The following KLHL29 variants were observed in gnomAD, a reference collection of about 807,000 sequenced individuals.
The protein encoded by KLHL29 is kelch like family member 29, also known as kelch-like protein 29.
In KLHL29, 21 loss-of-function variants were observed where a neutral mutation model predicts 80.4. The ratio of observed to expected loss-of-function variants is 0.26; its 90% CI spans 0.19 to 0.38. The LOEUF (loss-of-function observed/expected upper bound fraction) is 0.38. Among genes scored for constraint, KLHL29 ranks in the 10% least tolerant of loss-of-function variants. The probability of loss-of-function intolerance (pLI) is 1.00; values close to 1 mark genes in which losing one functional copy is unlikely to be tolerated. For missense variants in KLHL29, 867 were observed against 1,223.9 expected (o/e 0.71, Z 4.35); for synonymous variants, 511 against 526.8 (o/e 0.97, Z 0.41).
Position 23,385,410 on chromosome 2 carries a change from CCGCGGCTGCGGGGAGAGGGCGG to C in KLHL29, c.-523_-502del, listed in dbSNP as rs1666146958. 2 of 152,502 alleles carry C rather than the reference CCGCGGCTGCGGGGAGAGGGCGG, an allele frequency of 1.3e-5. No individual in the cohort carries two copies. Among genetic ancestry groups the C allele is most frequent in the South Asian group, 3.6e-4 (2 of 5,574 alleles). 9.4% of individuals were successfully genotyped at this position (152,502 alleles called of 1,614,324 possible). On this transcript the variant is annotated 5_prime_UTR_variant, in exon 1 of 14. Coordinates refer to ENST00000486442, the MANE Select transcript of KLHL29 (RefSeq NM_052920.2). ...GGAGCCAGCCCCAGCCCCGCGGCCG[CCGCGGCTGCGGGGAGAGGGCGG>C]GGGCGATGCTGCCGGAGCCGCCGCC...
chr2:23,473,318 G>A (rs1471366760), intron 1 of KLHL29, among the ~76,000 whole-genome samples: 1 of 152,094 alleles, frequency 6.6e-6, no homozygotes. Context: ...CCCAGGGCTC[G>A]CCTGGGAGAG....
At chr2:23,613,495 G>A (rs1668919668) in intron 3 of KLHL29, among the ~76,000 whole-genome samples, 1 of 152,140 alleles carries the variant, frequency 6.6e-6, no homozygotes, top group South Asian at 2.1e-4. Flanking sequence ...GCCGGGCACG[G>A]TGGCTCGTGC....
chr2:23,398,016 C>A (rs1369689703), intron 1 of KLHL29, among the ~76,000 whole-genome samples: 1 of 152,150 alleles, frequency 6.6e-6, no homozygotes, highest in African/African-American at 2.4e-5. Context: ...CATGAAAATG[C>A]AAATTGTGCA....
chr2:23,614,569 G>A (rs1668954022), intron 3 of KLHL29, among the ~76,000 whole-genome samples: 1 of 152,172 alleles, frequency 6.6e-6, no homozygotes, highest in South Asian at 2.1e-4. Context: ...CATGACAACG[G>A]CTTAGAGAAT....
intron 2 of KLHL29, among the ~76,000 whole-genome samples, chr2:23,486,722 A>G (rs1664940667): frequency 6.6e-6 from 1 of 152,208 alleles, no homozygotes; most frequent in Admixed American, 6.5e-5. Flanking sequence ...ACAGCTGCGG[A>G]ATTGCAGCCA....
At chr2:23,597,887 G>T (rs750615228) in intron 3 of KLHL29, among the ~76,000 whole-genome samples, 1 of 152,138 alleles carries the variant, frequency 6.6e-6, no homozygotes, top group Non-Finnish European at 1.5e-5. Flanking sequence ...AACCCTGCCC[G>T]TTCATGGCCT....
chr2:23,673,233 C>T (rs1232922104), intron 5 of KLHL29, among the ~76,000 whole-genome samples: 2 of 122,588 alleles, frequency 1.6e-5, no homozygotes, highest in African/African-American at 2.8e-5. Context: ...GGCACAGACA[C>T]ACACCCACAC....
intron 5 of KLHL29, among the ~76,000 whole-genome samples, chr2:23,663,752 A>C (rs1862902): frequency 0.82 from 124,200 of 152,238 alleles, 53,051 homozygotes; most frequent in East Asian, 0.99. Flanking sequence ...CAAGCAGCAG[A>C]AATTTATGGA....
intron 2 of KLHL29, among the ~76,000 whole-genome samples, chr2:23,504,564 G>C (rs1665543336): frequency 6.6e-6 from 1 of 152,224 alleles, no homozygotes; most frequent in Non-Finnish European, 1.5e-5. Flanking sequence ...TGGAGGGAGG[G>C]GGCACAGGGG....
chr2:23,637,312 A>T (rs1669639173), intron 3 of KLHL29, among the ~76,000 whole-genome samples: 2 of 152,170 alleles, frequency 1.3e-5, no homozygotes, highest in Admixed American at 1.3e-4. Context: ...ACTCGTTAAA[A>T]GCTGTCTATT....
In KLHL29 at chr2:23,680,332, G is replaced by A. The variant is rs1671040679; in HGVS notation, c.941-4067G>A. Reference sequence around the variant, plus strand: ...CACGGGAAGAGGAGCTCCATGCTGGGCGCTGAGTCGAGCATCCTGGGCATG... The same window carrying A: ...CACGGGAAGAGGAGCTCCATGCTGGACGCTGAGTCGAGCATCCTGGGCATG... On this transcript the variant is annotated intron_variant, in intron 5 of 13. Transcript: ENST00000486442. The surrounding 1 kb of genome is among the most constrained non-coding windows in gnomAD (Gnocchi z 4.1). Among the ~76,000 whole-genome samples the A allele has an allele frequency of 3.9e-5, 6 of 152,124 alleles. No homozygotes were observed. The South Asian group carries it at 1.2e-3, about 32-fold the overall frequency.
At chr2:23,638,993 G>T (rs1313145140) in intron 3 of KLHL29, 146 bp from the exon 4 acceptor site, 2 of 695,162 alleles carry the variant, frequency 2.9e-6, no homozygotes. Context: ...GTGGAGGGCT[G>T]AGGCTCTGCC....
rs1465597503 is a variant in KLHL29 at position 23,473,611 on chromosome 2, TAGGCTAC to T, written c.-153-1946_-153-1940del. On this transcript the variant is annotated intron_variant, in intron 1 of 13. Coordinates refer to ENST00000486442, the MANE Select transcript of KLHL29 (RefSeq NM_052920.2). Reference sequence around the variant, plus strand: ...TGCTTCCTTCCCACCACTGTCCCTCTAGGCTACAGTCTAGCCTATTCCATATTCATTC... The same window carrying T: ...TGCTTCCTTCCCACCACTGTCCCTCTAGTCTAGCCTATTCCATATTCATTC... Among the ~76,000 whole-genome samples the T allele has an allele frequency of 5.9e-5, 9 of 152,278 alleles. No homozygotes were observed. The East Asian group carries it at 1.5e-3, about 26-fold the overall frequency.
chr2:23,489,721 C>T (rs1308611758), intron 2 of KLHL29, among the ~76,000 whole-genome samples: 8 of 151,784 alleles, frequency 5.3e-5, no homozygotes, highest in African/African-American at 1.9e-4. Context: ...ATGTGCCTGG[C>T]CCCTGCAACA....
chr2:23,677,518 C>A (rs749866733), intron 5 of KLHL29, among the ~76,000 whole-genome samples: 15 of 152,240 alleles, frequency 9.9e-5, no homozygotes, highest in Non-Finnish European at 1.9e-4. Flanking sequence ...GGACGAGCGA[C>A]CCACAGGTGC....
At position 23,423,344 on chromosome 2, in the gene KLHL29, C is replaced by A. The variant is rs530648240; in HGVS notation, c.-154+37564C>A. 2.0e-5 allele frequency among the ~76,000 whole-genome samples: 3 copies of A among 152,330 alleles called. No homozygotes were observed. The South Asian group carries it at 6.2e-4, about 32-fold the overall frequency. On this transcript the variant is annotated intron_variant, in intron 1 of 13. Coordinates refer to ENST00000486442, the MANE Select transcript of KLHL29 (RefSeq NM_052920.2). Reference sequence around the variant, plus strand: ...GGCCTGACCTCCCCAGGCCGTGCCTCCCACCCCAGGGTCTTCTCTCTTCAC... The same window carrying A: ...GGCCTGACCTCCCCAGGCCGTGCCTACCACCCCAGGGTCTTCTCTCTTCAC...
At chr2:23,693,722 A>G (rs1671767534) in intron 8 of KLHL29, among the ~76,000 whole-genome samples, 194 bp downstream of exon 8, 1 of 152,170 alleles carries the variant, frequency 6.6e-6, no homozygotes, top group East Asian at 1.9e-4. Flanking sequence ...TCCACCCCAA[A>G]GGAGACCCAA....
At chr2:23,406,097 G>A (rs1666720110) in intron 1 of KLHL29, among the ~76,000 whole-genome samples, 1 of 152,162 alleles carries the variant, frequency 6.6e-6, no homozygotes, top group Admixed American at 6.5e-5. Flanking sequence ...GGGAGGCCAA[G>A]GCAGGCGGAT....
intron 11 of KLHL29, among the ~76,000 whole-genome samples, chr2:23,701,785 TTTTTTTGC>T (rs1390711973): frequency 2.3e-5 from 3 of 129,366 alleles, no homozygotes; most frequent in African/African-American, 5.5e-5. Flanking sequence ...ACACATGGCT[TTTTTTTGC>T]TTTTTTTTTT....
Sources: allele counts gnomAD v4.1 joint callset (sites outside exome capture counted in the v4.1 genomes callset), GRCh38; gene constraint gnomAD v4.1.1; non-coding constraint Gnocchi (gnomAD v3.1); transcripts MANE v1.5; gene names NCBI Gene and HGNC (gene_info 2026-07-23, HGNC 2026-07-21).